Variants in CAPN8 observed in about 807,000 individuals in gnomAD.
CAPN8 encodes calpain-8.
Under a neutral mutation model 80.9 loss-of-function variants are expected in CAPN8, and 87 were observed. That is an observed-to-expected ratio of 1.07 (90% CI 0.90 to 1.28). The LOEUF (loss-of-function observed/expected upper bound fraction) is 1.28, where lower values mean the gene tolerates loss of function less well. CAPN8 is among the 50% of genes most tolerant of loss of function. The pLI is 0.00. For synonymous variants in CAPN8, 299 were observed against 273.8 expected (o/e 1.09, Z -0.91); for missense variants, 757 against 702.0 (o/e 1.08, Z -0.89).
In CAPN8 at chr1:223,614,039, G is replaced by C. The variant is rs115488812; in HGVS notation, c.1312-1782C>G. On this transcript the variant is annotated intron_variant, in intron 10 of 20. Transcript: ENST00000366872. ...TATGCTTTATATATTATTTATGAGCGCAAATGTCATGCCACACAAAGCTAT... is the reference window on the plus strand; with the variant it reads ...TATGCTTTATATATTATTTATGAGCCCAAATGTCATGCCACACAAAGCTAT... 2.3e-3 allele frequency among the ~76,000 whole-genome samples: 345 copies of C among 152,308 alleles called. 2 individuals are homozygous for C. The highest frequency in any genetic ancestry group is 7.8e-3 in the African/African-American group (325 of 41,576).
chr1:223,662,525 T>C (rs1375013216), intron 1 of CAPN8, among the ~76,000 whole-genome samples: 1 of 146,808 alleles, frequency 6.8e-6, no homozygotes, highest in Non-Finnish European at 1.5e-5. Context: ...GAATGGGGAG[T>C]TTTTAAATGT....
In CAPN8 at chr1:223,634,834, A is replaced by C. The variant is rs537518753; in HGVS notation, c.308-6054T>G. ...CCATCATATTGGATGTTAGGATTGCAAGATATGAATGGCGGGAGCGGGGAC... is the reference window on the plus strand; with the variant it reads ...CCATCATATTGGATGTTAGGATTGCCAGATATGAATGGCGGGAGCGGGGAC... On this transcript the variant is annotated intron_variant, in intron 2 of 20. Transcript: ENST00000366872. Among the ~76,000 whole-genome samples, 4 of 152,352 alleles carry C rather than the reference A, an allele frequency of 2.6e-5. No homozygotes were observed. The South Asian group carries it at 8.3e-4, about 32-fold the overall frequency.
chr1:223,557,433 TG>T (rs36183186), intron 13 of CAPN8, among the ~76,000 whole-genome samples: 101,339 of 151,868 alleles, frequency 0.67, 34,157 homozygotes, highest in Non-Finnish European at 0.72. Flanking sequence ...AAGGTGGTCC[TG>T]CCCCACCCAG....
At chr1:223,628,231 G>A in intron 3 of CAPN8, 89 bp from the exon 4 acceptor site, 1 of 1,403,288 alleles carries the variant, frequency 7.1e-7, no homozygotes, top group Non-Finnish European at 9.5e-7. Context: ...GGGACTCTGT[G>A]CCATCAGTGT....
chr1:223,642,652 A>G (rs1195668012), intron 2 of CAPN8: 2 of 381,336 alleles, frequency 5.2e-6, no homozygotes, highest in Non-Finnish European at 1.0e-5. Flanking sequence ...CTGACGGGTC[A>G]TCTTTGAATC....
intron 1 of CAPN8, among the ~76,000 whole-genome samples, chr1:223,660,500 T>G (rs1658615744): frequency 6.6e-6 from 1 of 152,228 alleles, no homozygotes; most frequent in African/African-American, 2.4e-5. Flanking sequence ...GAACCTATGC[T>G]TGACCTTGAG....
chr1:223,629,232 T>TGTGTGTGTGTGTGTATG (rs68132305), intron 2 of CAPN8, among the ~76,000 whole-genome samples: 23 of 132,616 alleles, frequency 1.7e-4, no homozygotes, highest in Admixed American at 4.5e-4. Flanking sequence ...GTGTGTGTGT[T>TGTGTGTGTGTGTGTATG]TATGTTCCTT....
chr1:223,622,762 A>G (rs1657440978), intron 7 of CAPN8, 53 bp downstream of exon 7: 1 of 1,383,240 alleles, frequency 7.2e-7, no homozygotes, highest in African/African-American at 1.4e-5. Context: ...GTTTTACACG[A>G]CACCCTTCCG....
intron 7 of CAPN8, among the ~76,000 whole-genome samples, chr1:223,621,424 G>A (rs530886788): frequency 5.9e-5 from 9 of 152,048 alleles, no homozygotes; most frequent in South Asian, 2.1e-4. Flanking sequence ...GCCAGGGAGC[G>A]GGTGCTCAGG....
chr1:223,553,180 G>A (rs931980122), intron 14 of CAPN8, among the ~76,000 whole-genome samples: 16 of 152,080 alleles, frequency 1.1e-4, no homozygotes, highest in South Asian at 2.1e-4. Flanking sequence ...TTATGGGGCC[G>A]GTTTTGACAT....
intron 10 of CAPN8, among the ~76,000 whole-genome samples, chr1:223,613,064 C>T (rs1314552776): frequency 6.6e-6 from 1 of 152,162 alleles, no homozygotes; most frequent in Non-Finnish European, 1.5e-5. Context: ...GGTTCCTATG[C>T]CAGGCTAGAG....
Position 223,628,742 on chromosome 1 carries a change from G to A in CAPN8, c.346C>T (p.Leu116=). The A allele has an allele frequency of 6.4e-7, 1 of 1,553,760 alleles. No homozygotes were observed. The highest frequency in any genetic ancestry group is 8.7e-7 in the Non-Finnish European group (1 of 1,148,280). The change falls in exon 3 of 21, where the codon CTG becomes TTG. Residue 116 remains leucine (L), a synonymous_variant. Coordinates refer to ENST00000366872, the MANE Select transcript of CAPN8 (RefSeq NM_001143962.2). ...WLLAAIASLT[L]NEELLYRVVP... is the part of the protein sequence containing the mutation. ...ACCCGGTAAAGCAGCTCTTCATTCA[G>A]GGTCAGGGAGGCAATGGCAGCCAGA...
intron 1 of CAPN8, among the ~76,000 whole-genome samples, chr1:223,660,889 G>A (rs139311602): frequency 5.3e-5 from 8 of 152,198 alleles, no homozygotes; most frequent in Non-Finnish European, 1.2e-4. Flanking sequence ...CAAAGGGGCT[G>A]GGCACAATAG....
intron 13 of CAPN8, among the ~76,000 whole-genome samples, chr1:223,554,611 C>T (rs1241960700): frequency 2.0e-5 from 3 of 152,048 alleles, no homozygotes; most frequent in African/African-American, 7.2e-5. Context: ...ATTTTCTTAG[C>T]TTTCATCAGA....
chr1:223,653,146 A>G lies in CAPN8; in HGVS notation c.307+1184T>C, dbSNP rs139738162. Among the ~76,000 whole-genome samples the G allele has an allele frequency of 1.4e-3, 217 of 151,208 alleles. 1 individual carries two copies. The highest frequency in any genetic ancestry group is 5.1e-3 in the African/African-American group (211 of 41,222). ...AAAGGCACCACACTTACCCAGAACA[A>G]GAAAAGGTCAGAACGCTACCCCTCT... On this transcript the variant is annotated intron_variant, in intron 2 of 20. Coordinates refer to ENST00000366872, the MANE Select transcript of CAPN8 (RefSeq NM_001143962.2).
rs1377213261 is a variant in CAPN8, at chr1:223,628,155, G to A, written c.427-13C>T. On this transcript the variant is annotated splice_polypyrimidine_tract_variant and intron_variant, in intron 3 of 20. Coordinates refer to ENST00000366872, the MANE Select transcript of CAPN8 (RefSeq NM_001143962.2). ...CGTACTGCCAGAACTGGGGAGGGGG[G>A]ACACAGCGGCTGCTCACATGAATAA... 3 of 1,532,160 alleles carry A rather than the reference G, an allele frequency of 2.0e-6. No homozygotes were observed. The highest frequency in any genetic ancestry group is 4.2e-5 in the Admixed American group (2 of 48,158). 94.9% of individuals were successfully genotyped at this position (1,532,160 alleles called of 1,614,324 possible).
chr1:223,622,688 A>G (rs1431276656), intron 7 of CAPN8, 127 bp downstream of exon 7: 1 of 748,544 alleles, frequency 1.3e-6, no homozygotes, highest in Non-Finnish European at 2.3e-6. Context: ...TTCTGAACAC[A>G]CTGTGTGATC....
intron 1 of CAPN8, among the ~76,000 whole-genome samples, chr1:223,656,923 A>G (rs572821747): frequency 6.6e-6 from 1 of 151,928 alleles, no homozygotes; most frequent in South Asian, 2.1e-4. Flanking sequence ...TGACCTCGTG[A>G]TCCGCCCGCC....
At position 223,543,161 on chromosome 1, in the gene CAPN8, A is replaced by G. The variant is rs1382980588; in HGVS notation, c.2035T>C (p.Phe679Leu). 1 of 1,551,682 alleles carries G rather than the reference A, an allele frequency of 6.4e-7. No individual in the cohort carries two copies. Among genetic ancestry groups the G allele is most frequent in the Non-Finnish European group, 8.7e-7 (1 of 1,146,976 alleles). ...MIRLETLFKL[F>L]SLLDEDKDGM... Reference sequence around the variant, plus strand: ...TCCTTGTCTTCGTCCAGAAGGCTGAATAGTTCTAAAACACCAGAGAAGGAA... The same window carrying G: ...TCCTTGTCTTCGTCCAGAAGGCTGAGTAGTTCTAAAACACCAGAGAAGGAA... The change falls in exon 20 of 21, where the codon TTC (phenylalanine) becomes CTC (leucine). Residue 679 changes from phenylalanine to leucine, a missense_variant. Coordinates refer to ENST00000366872, the MANE Select transcript of CAPN8 (RefSeq NM_001143962.2).
Sources: allele counts gnomAD v4.1 joint callset (sites outside exome capture counted in the v4.1 genomes callset), GRCh38; gene constraint gnomAD v4.1.1; transcripts MANE v1.5; gene names NCBI Gene and HGNC (gene_info 2026-07-23, HGNC 2026-07-21).